Variants in NKAIN2 observed in about 807,000 individuals in gnomAD.
NKAIN2 encodes the protein sodium/potassium transporting ATPase interacting 2, also known as sodium/potassium-transporting ATPase subunit beta-1-interacting protein 2.
In NKAIN2, 14 loss-of-function variants were observed where a neutral mutation model predicts 32.6. The observed-to-expected ratio is 0.43, with a 90% confidence interval of 0.28 to 0.67. The LOEUF (loss-of-function observed/expected upper bound fraction) is 0.67. Ranked by LOEUF, NKAIN2 falls within the 30% of genes least tolerant of loss-of-function variation. The pLI, the probability that NKAIN2 is intolerant of heterozygous loss-of-function variation, is 0.17. For missense variants in NKAIN2, 198 were observed against 258.3 expected (o/e 0.77, Z 1.60); for synonymous variants, 80 against 87.2 (o/e 0.92, Z 0.46).
intron 5 of NKAIN2, among the ~76,000 whole-genome samples, chr6:124,807,277 A>G (rs1237450499): frequency 2.0e-5 from 3 of 152,248 alleles, no homozygotes; most frequent in Non-Finnish European, 4.4e-5. Context: ...AACAGAAATT[A>G]TAACAAACTA....
intron 3 of NKAIN2, among the ~76,000 whole-genome samples, chr6:124,450,470 A>G (rs533164516): frequency 6.6e-4 from 101 of 152,088 alleles, no homozygotes; most frequent in African/African-American, 2.3e-3. Context: ...TATTATTCTG[A>G]ACATTAATAA....
chr6:124,529,810 T>C (rs918845882), intron 3 of NKAIN2, among the ~76,000 whole-genome samples: 2 of 152,218 alleles, frequency 1.3e-5, no homozygotes, highest in Admixed American at 6.5e-5. Context: ...TTTCCACTCA[T>C]GTAACCATTA....
At chr6:124,630,038 A>G (rs1284167788) in intron 3 of NKAIN2, among the ~76,000 whole-genome samples, 1 of 152,218 alleles carries the variant, frequency 6.6e-6, no homozygotes, top group Non-Finnish European at 1.5e-5. Context: ...CAGTTGGCAT[A>G]GGAAGAGGTA....
rs191300782 is a variant in NKAIN2 at position 123,829,245 on chromosome 6, G to C, written c.54+24991G>C. On this transcript the variant is annotated intron_variant, in intron 1 of 6. Coordinates refer to ENST00000368417, the MANE Select transcript of NKAIN2 (RefSeq NM_001040214.3). ...ATACTAACATTTTTTTATTATCACC[G>C]TTACTCAGATGATTCTCAAATTAAA... The C allele has an allele frequency of 5.3e-5, 8 of 151,906 alleles. No homozygotes were observed. In the South Asian group the frequency reaches 1.0e-3, roughly 20 times the overall value. 9.4% of individuals were successfully genotyped at this position (151,906 alleles called of 1,614,324 possible). A position where few individuals can be genotyped will look rare whatever the true frequency, so the allele number is the denominator to read the frequency against.
chr6:124,575,770 G>A (rs1346438562), intron 3 of NKAIN2, among the ~76,000 whole-genome samples: 1 of 152,134 alleles, frequency 6.6e-6, no homozygotes, highest in Non-Finnish European at 1.5e-5. Flanking sequence ...AGCTAGTACT[G>A]CTTCTCTCTT....
chr6:124,138,738 A>G (rs1163450769), intron 1 of NKAIN2, among the ~76,000 whole-genome samples: 1 of 144,732 alleles, frequency 6.9e-6, no homozygotes, highest in Admixed American at 6.8e-5. Context: ...TATGTATATG[A>G]TGGAACAGTG....
chr6:124,660,056 T>G (rs1784690901), intron 4 of NKAIN2, among the ~76,000 whole-genome samples: 1 of 152,184 alleles, frequency 6.6e-6, no homozygotes, highest in African/African-American at 2.4e-5. Context: ...ATTTCATTCT[T>G]TAAAATCCAT....
At chr6:124,531,761 C>G (rs1303514493) in intron 3 of NKAIN2, among the ~76,000 whole-genome samples, 1 of 152,154 alleles carries the variant, frequency 6.6e-6, no homozygotes, top group Non-Finnish European at 1.5e-5. Context: ...ACCTCCGCCT[C>G]CCTGGTTCAA....
intron 1 of NKAIN2, among the ~76,000 whole-genome samples, chr6:123,807,452 T>C (rs112982802): frequency 1.1e-3 from 166 of 152,218 alleles, no homozygotes; most frequent in African/African-American, 3.6e-3. Flanking sequence ...ACTGAAGATT[T>C]CAGATAGTAA....
chr6:123,889,569 G>A (rs1582721571), intron 1 of NKAIN2, among the ~76,000 whole-genome samples: 1 of 152,158 alleles, frequency 6.6e-6, no homozygotes, highest in East Asian at 1.9e-4. Context: ...GGCCAGTGGG[G>A]AAAGAGTATC....
intron 1 of NKAIN2, among the ~76,000 whole-genome samples, chr6:124,168,885 A>C (rs867225682): frequency 7.2e-5 from 11 of 152,246 alleles, no homozygotes; most frequent in Admixed American, 5.2e-4. Flanking sequence ...TTACAGTGTC[A>C]AACAGAATTA....
intron 1 of NKAIN2, among the ~76,000 whole-genome samples, chr6:124,267,076 C>T (rs1794525265): frequency 6.6e-6 from 1 of 151,606 alleles, no homozygotes; most frequent in Admixed American, 6.6e-5. Flanking sequence ...TCACAGGAAG[C>T]TTTGCCAACA....
At chr6:124,412,082 C>T (rs568183310) in intron 3 of NKAIN2, among the ~76,000 whole-genome samples, 1 of 149,544 alleles carries the variant, frequency 6.7e-6, no homozygotes, top group Non-Finnish European at 1.5e-5. Flanking sequence ...ATCCGTTCAT[C>T]TAATTTTTTT....
chr6:123,898,551 GTTTT>G (rs11348160), intron 1 of NKAIN2, among the ~76,000 whole-genome samples: 19 of 131,798 alleles, frequency 1.4e-4, no homozygotes, highest in African/African-American at 4.8e-4. Context: ...CTCCAGGGGT[GTTTT>G]TTTTTTTTTT....
rs1301122537 is a variant in NKAIN2, at chr6:124,307,575, C to T, written c.192+24433C>T. ...GCTTACAATCAATAACCATGTGTAT[C>T]CTGTGGTTGTCACTGATGGAAGTGG... On this transcript the variant is annotated intron_variant, in intron 2 of 6. Coordinates refer to ENST00000368417, the MANE Select transcript of NKAIN2 (RefSeq NM_001040214.3). 4.6e-5 allele frequency among the ~76,000 whole-genome samples: 7 copies of T among 152,134 alleles called. No homozygotes were observed. The South Asian group carries it at 1.0e-3, about 23-fold the overall frequency.
At chr6:124,050,290 G>A (rs915476794) in intron 1 of NKAIN2, among the ~76,000 whole-genome samples, 5 of 152,034 alleles carry the variant, frequency 3.3e-5, no homozygotes, top group Admixed American at 2.6e-4. Flanking sequence ...TACTAATGAA[G>A]TATACAATAA....
intron 1 of NKAIN2, among the ~76,000 whole-genome samples, chr6:124,246,372 G>C (rs534757689): frequency 4.6e-5 from 7 of 151,946 alleles, no homozygotes; most frequent in Non-Finnish European, 1.0e-4. Flanking sequence ...ACTCACATCA[G>C]CATCAGTGAC....
intron 3 of NKAIN2, among the ~76,000 whole-genome samples, chr6:124,371,663 C>T (rs192615253): frequency 4.7e-4 from 62 of 133,142 alleles, no homozygotes; most frequent in South Asian, 2.4e-4. Context: ...CACTGCACTC[C>T]AGCCTGGGGG....
chr6:124,708,252 G>T (rs1455607803), intron 4 of NKAIN2, among the ~76,000 whole-genome samples: 2 of 149,616 alleles, frequency 1.3e-5, no homozygotes, highest in African/African-American at 2.5e-5. Context: ...TAGCCTTGTA[G>T]TATAGTTTGA....
Sources: allele counts gnomAD v4.1 joint callset (sites outside exome capture counted in the v4.1 genomes callset), GRCh38; gene constraint gnomAD v4.1.1; transcripts MANE v1.5; gene names NCBI Gene and HGNC (gene_info 2026-07-23, HGNC 2026-07-21).